The following PGCKA1 variants were observed in gnomAD, a reference collection of about 807,000 sequenced individuals.
PGCKA1 encodes PDCD10 and GCKIII kinases-associated protein 1.
At chr4:37,495,715 G>A in the PGCKA1 span, among the ~76,000 whole-genome samples, 29 of 152,244 alleles carry the variant, frequency 1.9e-4, no homozygotes, top group East Asian at 5.4e-3. Flanking sequence ...TCGGGGTTGG[G>A]GGCAAGGGGA....
the PGCKA1 span, among the ~76,000 whole-genome samples, chr4:37,459,459 A>G: frequency 6.6e-6 from 1 of 152,230 alleles, no homozygotes; most frequent in Non-Finnish European, 1.5e-5. Flanking sequence ...AAGGGAAGTT[A>G]TTTGCCCTTA....
the PGCKA1 span, among the ~76,000 whole-genome samples, chr4:37,540,630 C>A: frequency 6.6e-6 from 1 of 152,204 alleles, no homozygotes; most frequent in Non-Finnish European, 1.5e-5. Flanking sequence ...CAACAAAGAG[C>A]CCCTGTGTGA....
the PGCKA1 span, among the ~76,000 whole-genome samples, chr4:37,544,236 T>A: frequency 5.3e-5 from 8 of 152,192 alleles, no homozygotes; most frequent in Non-Finnish European, 7.3e-5. Context: ...ATCATTGAGT[T>A]TTTTTTGTTT....
At chr4:37,564,135 G>A in the PGCKA1 span, among the ~76,000 whole-genome samples, 11 of 151,830 alleles carry the variant, frequency 7.2e-5, no homozygotes, top group South Asian at 2.1e-4. Flanking sequence ...TTAGCTGGGC[G>A]TGGTGGCAGG....
At chr4:37,481,504 G>T in the PGCKA1 span, among the ~76,000 whole-genome samples, 1 of 52,136 alleles carries the variant, frequency 1.9e-5, no homozygotes, top group East Asian at 4.2e-4. Flanking sequence ...AAAAAAAGAA[G>T]TCCAAGATCA....
At chr4:37,552,866 C>G in the PGCKA1 span, among the ~76,000 whole-genome samples, 1 of 152,250 alleles carries the variant, frequency 6.6e-6, no homozygotes, top group East Asian at 1.9e-4. Flanking sequence ...GTCTTCTGGA[C>G]CTACTTTCAG....
the PGCKA1 span, among the ~76,000 whole-genome samples, chr4:37,518,697 A>G: frequency 2.6e-5 from 4 of 152,118 alleles, no homozygotes; most frequent in Non-Finnish European, 5.9e-5. Flanking sequence ...GTAGTTTGCA[A>G]ATATTTTCTC....
At chr4:37,580,451 C>T in the PGCKA1 span, among the ~76,000 whole-genome samples, 68,511 of 151,758 alleles carry the variant, frequency 0.45, 16,823 homozygotes, top group African/African-American at 0.63. Context: ...TTCGAAGGGA[C>T]TTGTGTGTTG....
At chr4:37,547,440 C>A in the PGCKA1 span, among the ~76,000 whole-genome samples, 4 of 152,002 alleles carry the variant, frequency 2.6e-5, no homozygotes, top group African/African-American at 9.7e-5. Context: ...ATAGGTCAGG[C>A]ACAAATAAGC....
chr4:37,512,641 A>G, the PGCKA1 span, among the ~76,000 whole-genome samples: 1 of 151,810 alleles, frequency 6.6e-6, no homozygotes, highest in Non-Finnish European at 1.5e-5. Context: ...TTTTTAGTAG[A>G]GACGGGGTTT....
chr4:37,500,585 G>T, the PGCKA1 span, among the ~76,000 whole-genome samples: 1 of 152,216 alleles, frequency 6.6e-6, no homozygotes, highest in African/African-American at 2.4e-5. Flanking sequence ...TGAGAGGAAT[G>T]TATATTCTGT....
At chr4:37,464,335 C>T in the PGCKA1 span, among the ~76,000 whole-genome samples, 1 of 152,158 alleles carries the variant, frequency 6.6e-6, no homozygotes, top group Non-Finnish European at 1.5e-5. Flanking sequence ...TGTTGTGGGA[C>T]CTCAGAAATA....
the PGCKA1 span, among the ~76,000 whole-genome samples, chr4:37,482,920 C>T: frequency 6.6e-6 from 1 of 152,148 alleles, no homozygotes; most frequent in Admixed American, 6.5e-5. Flanking sequence ...ATTGGAAAGG[C>T]ATGATTGTGT....
At chr4:37,540,863 G>A in the PGCKA1 span, among the ~76,000 whole-genome samples, 1 of 151,972 alleles carries the variant, frequency 6.6e-6, no homozygotes, top group Admixed American at 6.6e-5. Context: ...AGATTACAAG[G>A]AAAAGTTAAT....
chr4:37,501,856 G>A, the PGCKA1 span, among the ~76,000 whole-genome samples: 1 of 152,156 alleles, frequency 6.6e-6, no homozygotes, highest in Non-Finnish European at 1.5e-5. Flanking sequence ...CAGAGTTCTT[G>A]CAGTGGTTCT....
the PGCKA1 span, among the ~76,000 whole-genome samples, chr4:37,485,461 C>T: frequency 6.6e-6 from 1 of 152,122 alleles, no homozygotes; most frequent in African/African-American, 2.4e-5. Flanking sequence ...CTTGCCCTTC[C>T]ACCTTCCCCC....
chr4:37,572,238 ATTTT>A, the PGCKA1 span, among the ~76,000 whole-genome samples: 1 of 145,668 alleles, frequency 6.9e-6, no homozygotes, highest in Non-Finnish European at 1.5e-5. Context: ...AATTTTTTGT[ATTTT>A]TTTTTAGTAG....
At chr4:37,559,518 A>G in the PGCKA1 span, among the ~76,000 whole-genome samples, 3 of 151,638 alleles carry the variant, frequency 2.0e-5, no homozygotes, top group Non-Finnish European at 4.4e-5. Flanking sequence ...TGGGTGCAGC[A>G]CACCAGCATG....
the PGCKA1 span, among the ~76,000 whole-genome samples, chr4:37,486,766 C>T: frequency 2.0e-5 from 3 of 152,274 alleles, no homozygotes; most frequent in South Asian, 6.2e-4. Context: ...CTTGCTTCAG[C>T]TCACCATCCC....
Sources: allele counts gnomAD v4.1 joint callset (sites outside exome capture counted in the v4.1 genomes callset), GRCh38; gene constraint gnomAD v4.1.1; transcripts MANE v1.5; gene names NCBI Gene and HGNC (gene_info 2026-07-23, HGNC 2026-07-21).